The following SRFBP1 variants were observed in gnomAD, a reference collection of about 807,000 sequenced individuals.
SRFBP1 encodes serum response factor binding protein 1.
In SRFBP1, 47 loss-of-function variants were observed where a neutral mutation model predicts 45.5. The ratio of observed to expected loss-of-function variants is 1.03; its 90% CI spans 0.82 to 1.32. The LOEUF is 1.32. Ranked by LOEUF, SRFBP1 falls within the 40% of genes most tolerant of loss-of-function variation. The pLI, the probability that SRFBP1 is intolerant of heterozygous loss-of-function variation, is 0.00. For synonymous variants in SRFBP1, 203 were observed against 166.3 expected (o/e 1.22, Z -1.70); for missense variants, 621 against 484.6 (o/e 1.28, Z -2.64).
chr5:122,025,126 A>C (rs1421790442), intron 7 of SRFBP1, among the ~76,000 whole-genome samples: 1 of 149,752 alleles, frequency 6.7e-6, no homozygotes, highest in African/African-American at 2.5e-5. Context: ...CCCACCCCAC[A>C]ACAGTCCCCG....
At position 122,062,699 on chromosome 5, in the gene SRFBP1, T is replaced by G. The variant is rs1450023915; in HGVS notation, n.312-12616T>G. Among the ~76,000 whole-genome samples, 3 of 152,044 alleles carry G rather than the reference T, an allele frequency of 2.0e-5. No individual in the cohort carries two copies. In the East Asian group the frequency reaches 5.8e-4, roughly 29 times the overall value. ...AGACTCCTTAAGGATGAATTGTTTTTGTGGGTTAATTTTGTGAGTTGTTCC... is the reference window on the plus strand; with the variant it reads ...AGACTCCTTAAGGATGAATTGTTTTGGTGGGTTAATTTTGTGAGTTGTTCC... On this transcript the variant is annotated intron_variant and non_coding_transcript_variant, in intron 2 of 2. Coordinates refer to the SRFBP1 transcript ENST00000504881.
intron 1 of SRFBP1, among the ~76,000 whole-genome samples, chr5:121,967,358 G>A (rs1199336815): frequency 6.6e-6 from 1 of 152,102 alleles, no homozygotes; most frequent in Admixed American, 6.5e-5. Flanking sequence ...ACCAATTTGT[G>A]TTTAGTTATT....
chr5:122,047,721 A>G (rs965942919), intron 2 of SRFBP1, among the ~76,000 whole-genome samples: 2 of 151,902 alleles, frequency 1.3e-5, no homozygotes, highest in Admixed American at 6.6e-5. Context: ...CTTTTATTTC[A>G]TTGAGCAGTG....
intron 3 of SRFBP1, among the ~76,000 whole-genome samples, chr5:121,981,467 T>C (rs1009199933): frequency 2.0e-5 from 3 of 151,970 alleles, no homozygotes; most frequent in Admixed American, 1.3e-4. Flanking sequence ...TAATGGGACT[T>C]CTTCCCTGAA....
At chr5:121,993,420 A>T (rs1752656030) in intron 3 of SRFBP1, among the ~76,000 whole-genome samples, 1 of 152,172 alleles carries the variant, frequency 6.6e-6, no homozygotes, top group Admixed American at 6.6e-5. Flanking sequence ...AAACCATGAA[A>T]TATAAATTGA....
chr5:121,963,663 T>C lies in SRFBP1; in HGVS notation c.36+1595T>C, dbSNP rs989075530. Among the ~76,000 whole-genome samples the C allele has an allele frequency of 6.6e-5, 10 of 152,344 alleles. No individual in the cohort carries two copies. The South Asian group carries it at 1.7e-3, about 25-fold the overall frequency. On this transcript the variant is annotated intron_variant, in intron 1 of 7. Coordinates refer to ENST00000339397, the MANE Select transcript of SRFBP1 (RefSeq NM_152546.3). ...TTGCTTTCTCCTCTGGAAACACTTATGTAACTGTTTCTGTCTTCCTGTGTT... is the reference window on the plus strand; with the variant it reads ...TTGCTTTCTCCTCTGGAAACACTTACGTAACTGTTTCTGTCTTCCTGTGTT...
intron 2 of SRFBP1, among the ~76,000 whole-genome samples, chr5:122,058,063 T>C (rs1754112757): frequency 6.6e-6 from 1 of 152,208 alleles, no homozygotes; most frequent in Non-Finnish European, 1.5e-5. Context: ...ATATATATTG[T>C]CAAATTATTT....
chr5:121,998,580 G>A (rs1483539596), intron 4 of SRFBP1, among the ~76,000 whole-genome samples: 2 of 149,578 alleles, frequency 1.3e-5, no homozygotes, highest in Admixed American at 6.7e-5. Context: ...ACGAGTTAGT[G>A]GGTGCAGCGC....
chr5:121,965,366 A>G (rs1036463734), intron 1 of SRFBP1, among the ~76,000 whole-genome samples: 4 of 152,168 alleles, frequency 2.6e-5, no homozygotes, highest in African/African-American at 4.8e-5. Context: ...TAATTTTTGT[A>G]TAAGGTGTAA....
At chr5:122,006,384 T>C (rs556036776) in intron 4 of SRFBP1, among the ~76,000 whole-genome samples, 5 of 152,298 alleles carry the variant, frequency 3.3e-5, no homozygotes, top group African/African-American at 1.2e-4. Flanking sequence ...CTTCTTTGGA[T>C]TGAATCTCAC....
At chr5:121,993,375 A>G (rs1054532006) in intron 3 of SRFBP1, among the ~76,000 whole-genome samples, 1 of 152,174 alleles carries the variant, frequency 6.6e-6, no homozygotes, top group African/African-American at 2.4e-5. Flanking sequence ...GAAGATTCTG[A>G]TGGTCTTGTT....
intron 4 of SRFBP1, among the ~76,000 whole-genome samples, chr5:122,002,764 A>G (rs1413185522): frequency 6.6e-6 from 1 of 152,192 alleles, no homozygotes; most frequent in Admixed American, 6.5e-5. Flanking sequence ...AAATTGTTGA[A>G]TATTAGAGTC....
At chr5:121,987,504 TC>T (rs1397961762) in intron 3 of SRFBP1, among the ~76,000 whole-genome samples, 1 of 152,144 alleles carries the variant, frequency 6.6e-6, no homozygotes, top group Non-Finnish European at 1.5e-5. Flanking sequence ...ATAATGAAAT[TC>T]TCAACTGTAG....
chr5:121,963,522 CTT>C (rs1263823945), intron 1 of SRFBP1, among the ~76,000 whole-genome samples: 1 of 152,134 alleles, frequency 6.6e-6, no homozygotes, highest in Non-Finnish European at 1.5e-5. Context: ...ATTAAAGACT[CTT>C]TTCACACTTA....
chr5:121,992,052 A>G (rs1051948564), intron 3 of SRFBP1, among the ~76,000 whole-genome samples: 15 of 152,278 alleles, frequency 9.9e-5, no homozygotes, highest in Admixed American at 7.2e-4. Context: ...TAGGAGATGG[A>G]AAATACATTA....
intron 2 of SRFBP1, among the ~76,000 whole-genome samples, chr5:122,074,858 TA>T (rs1046594889): frequency 6.6e-6 from 1 of 152,160 alleles, no homozygotes; most frequent in Non-Finnish European, 1.5e-5. Context: ...TTCCTGAAAA[TA>T]AACACCCAGG....
At chr5:121,989,527 TG>T (rs1271660620) in intron 3 of SRFBP1, among the ~76,000 whole-genome samples, 1 of 152,200 alleles carries the variant, frequency 6.6e-6, no homozygotes, top group East Asian at 1.9e-4. Context: ...CGATTAAGTG[TG>T]GTGCATGCGG....
intron 3 of SRFBP1, among the ~76,000 whole-genome samples, chr5:121,989,055 A>ATTTGTTTG (rs140803937): frequency 1.3e-4 from 19 of 151,020 alleles, no homozygotes; most frequent in Non-Finnish European, 2.2e-4. Context: ...AGATATTGGA[A>ATTTGTTTG]TTTGTTTGTT....
chr5:122,045,901 G>C (rs768663455), intron 2 of SRFBP1, among the ~76,000 whole-genome samples: 2 of 152,138 alleles, frequency 1.3e-5, no homozygotes, highest in Non-Finnish European at 2.9e-5. Flanking sequence ...TGTTGAATAG[G>C]AGTGGTGAGA....
Sources: gnomAD v4.1 joint callset for allele counts (sites outside exome capture counted in the v4.1 genomes callset) on GRCh38, gnomAD v4.1.1 for gene constraint, MANE v1.5 for transcripts, NCBI Gene and HGNC (gene_info 2026-07-23, HGNC 2026-07-21) for gene names.